The following CDK15 variants were observed in gnomAD, a reference collection of about 807,000 sequenced individuals.
CDK15 encodes the protein cyclin-dependent kinase 15.
A neutral mutation model predicts 60.3 loss-of-function variants in CDK15; 62 were observed. That is an observed-to-expected ratio of 1.03 (90% CI 0.84 to 1.27). The LOEUF (loss-of-function observed/expected upper bound fraction) is 1.27. CDK15 is among the 50% of genes most tolerant of loss of function. CDK15 has a pLI of 0.00. For missense variants in CDK15, 541 were observed against 527.8 expected, an observed-to-expected ratio of 1.03 and a Z score of -0.25; for synonymous variants, 194 against 195.7, an observed-to-expected ratio of 0.99 and a Z score of 0.07.
At chr2:201,865,889 CAACAAAAA>C (rs1698607437) in intron 10 of CDK15, among the ~76,000 whole-genome samples, 1 of 24,830 alleles carries the variant, frequency 4.0e-5, no homozygotes, top group African/African-American at 1.3e-4. Flanking sequence ...GATTCCATCT[CAACAAAAA>C]AAAAAAAAAA....
At chr2:201,834,649 C>A (rs899370950) in intron 7 of CDK15, among the ~76,000 whole-genome samples, 1 of 152,150 alleles carries the variant, frequency 6.6e-6, no homozygotes, top group East Asian at 1.9e-4. Flanking sequence ...ATAATGAGGG[C>A]AGCCTGGGTT....
intron 8 of CDK15, among the ~76,000 whole-genome samples, chr2:201,839,743 C>A (rs746953307): frequency 1.3e-5 from 2 of 152,002 alleles, no homozygotes; most frequent in East Asian, 3.9e-4. Context: ...GATGGATGAA[C>A]CTGTTTGGAG....
intron 9 of CDK15, among the ~76,000 whole-genome samples, chr2:201,850,701 T>G (rs972667517): frequency 6.6e-6 from 1 of 152,180 alleles, no homozygotes; most frequent in African/African-American, 2.4e-5. Flanking sequence ...TTTAATATTT[T>G]GAGGAACCTC....
At chr2:201,865,787 G>A (rs1177872071) in intron 10 of CDK15, among the ~76,000 whole-genome samples, 4 of 151,226 alleles carry the variant, frequency 2.6e-5, no homozygotes, top group African/African-American at 9.7e-5. Flanking sequence ...CTACTCAGGA[G>A]GCTGAGGCAG....
intron 10 of CDK15, among the ~76,000 whole-genome samples, chr2:201,868,322 G>T (rs942323534): frequency 2.0e-5 from 3 of 152,148 alleles, no homozygotes; most frequent in African/African-American, 7.2e-5. Flanking sequence ...CTCTTCTGCA[G>T]GTGGGAAAAC....
intron 10 of CDK15, chr2:201,860,760 T>A (rs1175622878): frequency 1.5e-6 from 2 of 1,352,166 alleles, no homozygotes; most frequent in Admixed American, 3.8e-5. Flanking sequence ...AGAAACAGCA[T>A]GGATGGCATA....
At chr2:201,835,989 T>C (rs1169363287) in intron 8 of CDK15, among the ~76,000 whole-genome samples, 1 of 33,592 alleles carries the variant, frequency 3.0e-5, no homozygotes, top group Non-Finnish European at 8.1e-5. Context: ...TATTTTTATA[T>C]ATTTATATAT....
intron 12 of CDK15, among the ~76,000 whole-genome samples, chr2:201,890,339 C>A (rs565090762): frequency 6.6e-6 from 1 of 152,192 alleles, no homozygotes; most frequent in Admixed American, 6.5e-5. Context: ...ATCCCTCAAC[C>A]GGGAATATCC....
chr2:201,846,599 G>A (rs1358503759), intron 8 of CDK15, among the ~76,000 whole-genome samples: 2 of 151,234 alleles, frequency 1.3e-5, no homozygotes, highest in African/African-American at 4.9e-5. Flanking sequence ...GAACCAAATG[G>A]TTGTGGAGAA....
At position 201,835,737 on chromosome 2, in the gene CDK15, T is replaced by G; in HGVS notation, c.825T>G (p.Thr275=). Residue 275 remains threonine, a synonymous_variant, in exon 8 of 14, where the codon ACT becomes ACG. Transcript: ENST00000652192. ...CCCCTGATGCTTTGCTGGGAGCCAC[T>G]GAATATTCCTCTGAGCTGGACATAT... ...YRPPDALLGA[T]EYSSELDIWG... 1 of 1,609,748 alleles carries G rather than the reference T, an allele frequency of 6.2e-7. No homozygotes were observed. Among genetic ancestry groups the G allele is most frequent in the Non-Finnish European group, 8.5e-7 (1 of 1,177,148 alleles).
chr2:201,841,456 C>T (rs1697375740), intron 8 of CDK15, among the ~76,000 whole-genome samples: 1 of 152,168 alleles, frequency 6.6e-6, no homozygotes, highest in Non-Finnish European at 1.5e-5. Context: ...AAAGTAATTG[C>T]TAGACCTTGG....
intron 13 of CDK15, among the ~76,000 whole-genome samples, chr2:201,892,160 G>A (rs1303223930): frequency 1.3e-5 from 2 of 152,062 alleles, no homozygotes; most frequent in Non-Finnish European, 2.9e-5. Flanking sequence ...TTTGTATTTT[G>A]ACAATATACA....
At chr2:201,835,803 C>A in intron 8 of CDK15, 40 bp downstream of exon 8, 1 of 1,418,660 alleles carries the variant, frequency 7.0e-7, no homozygotes, top group East Asian at 2.6e-5. Flanking sequence ...ATCCTACTCA[C>A]GAGGGTTGCT....
chr2:201,878,371 C>G (rs1184443468), intron 11 of CDK15, among the ~76,000 whole-genome samples: 1 of 151,740 alleles, frequency 6.6e-6, no homozygotes, highest in Non-Finnish European at 1.5e-5. Flanking sequence ...AAAACTCTGG[C>G]TTCTCCCTCC....
At position 201,813,339 on chromosome 2, in the gene CDK15, C is replaced by T. The variant is rs528868726; in HGVS notation, c.448+777C>T. Reference sequence around the variant, plus strand: ...ACTTTATAACATAAACATCAAGAAGCCAACATAGTGAAATGAATCATTAAA... The same window carrying T: ...ACTTTATAACATAAACATCAAGAAGTCAACATAGTGAAATGAATCATTAAA... On this transcript the variant is annotated intron_variant, in intron 4 of 13. Coordinates refer to ENST00000652192, the MANE Select transcript of CDK15 (RefSeq NM_001366386.2). Among the ~76,000 whole-genome samples the T allele has an allele frequency of 1.4e-3, 214 of 152,210 alleles. 1 individual carries two copies. The highest frequency in any genetic ancestry group is 2.5e-3 in the Non-Finnish European group (170 of 67,998).
At chr2:201,839,707 C>T (rs888459970) in intron 8 of CDK15, among the ~76,000 whole-genome samples, 3 of 151,302 alleles carry the variant, frequency 2.0e-5, no homozygotes, top group Admixed American at 6.6e-5. Flanking sequence ...GATAAAATAA[C>T]GAAACAAAAG....
rs2105713688 is a variant in CDK15 at position 201,823,711 on chromosome 2, A to G, written c.590A>G (p.His197Arg). The G allele has an allele frequency of 6.2e-7, 1 of 1,613,826 alleles. No homozygotes were observed. The highest frequency in any genetic ancestry group is 8.5e-7 in the Non-Finnish European group (1 of 1,179,836). The stretch of plus-strand genomic sequence containing the variant: ...ATGTCTCAGCATCCAGGAGGGCTTC[A>G]TCCTCATAATGTCAGAGTGAGTACG... ...QYMSQHPGGL[H>R]PHNVRLFMFQ... Residue 197 changes from histidine (H) to arginine (R), a missense_variant, in exon 6 of 14, where the codon CAT becomes CGT. His to Arg is a conservative substitution (Grantham distance 29, BLOSUM62 0). Transcript: ENST00000652192.
In CDK15 at chr2:201,872,356, A is replaced by C. The variant is rs767786132; in HGVS notation, c.1058+30A>C. On this transcript the variant is annotated intron_variant, in intron 11 of 13. Coordinates refer to ENST00000652192, the MANE Select transcript of CDK15 (RefSeq NM_001366386.2). Reference sequence around the variant, plus strand: ...GTACTACCTCAGGAAGGGATCTTTAAGGGATCTTTAAGCAGGATTGGAGAG... The same window carrying C: ...GTACTACCTCAGGAAGGGATCTTTACGGGATCTTTAAGCAGGATTGGAGAG... The C allele has an allele frequency of 3.7e-6, 5 of 1,340,004 alleles. No homozygotes were observed. The East Asian group carries it at 6.7e-5, about 18-fold the overall frequency. 83.0% of individuals were successfully genotyped at this position (1,340,004 alleles called of 1,614,324 possible). A position where few individuals can be genotyped will look rare whatever the true frequency, so the allele number is the denominator to read the frequency against.
chr2:201,859,070 C>T (rs1035862085), intron 10 of CDK15, among the ~76,000 whole-genome samples: 22 of 152,224 alleles, frequency 1.4e-4, no homozygotes, highest in Middle Eastern at 6.8e-3. Flanking sequence ...ATCAAGCTGG[C>T]GGGCCGGGGC....
Sources: gnomAD v4.1 joint callset for allele counts (sites outside exome capture counted in the v4.1 genomes callset) on GRCh38, gnomAD v4.1.1 for gene constraint, MANE v1.5 for transcripts, NCBI Gene and HGNC (gene_info 2026-07-23, HGNC 2026-07-21) for gene names.